Variants in IRAG1 observed in about 807,000 individuals in gnomAD.
IRAG1 encodes IP3R-associated cGMP kinase substrate.
Under a neutral mutation model 106.2 loss-of-function variants are expected in IRAG1, and 62 were observed. The observed-to-expected ratio is 0.58, with a 90% CI of 0.48 to 0.72. The LOEUF is 0.72. Among genes scored for constraint, IRAG1 ranks in the 30% least tolerant of loss-of-function variants. The pLI is 0.00. For missense variants in IRAG1, 1,064 were observed against 1,140.7 expected (o/e 0.93, Z 0.97); for synonymous variants, 462 against 443.9 (o/e 1.04, Z -0.51).
At chr11:10,652,262 C>A (rs1481022355) in intron 1 of IRAG1, 80 bp from the exon 2 acceptor site, 146 of 1,580,304 alleles carry the variant, frequency 9.2e-5, no homozygotes, top group Non-Finnish European at 1.2e-4. Context: ...GAGCCACAAG[C>A]CACAGTGAGA....
At chr11:10,612,254 A>G (rs555532489) in intron 10 of IRAG1, among the ~76,000 whole-genome samples, 1 of 152,204 alleles carries the variant, frequency 6.6e-6, no homozygotes, top group Non-Finnish European at 1.5e-5. Flanking sequence ...TGTCTCTACA[A>G]TTCCAACCTA....
intron 10 of IRAG1, among the ~76,000 whole-genome samples, chr11:10,617,861 A>C: frequency 6.6e-6 from 1 of 152,118 alleles, no homozygotes; most frequent in Non-Finnish European, 1.5e-5. Flanking sequence ...ACCTCTCACC[A>C]GGCTATTTCC....
intron 11 of IRAG1, among the ~76,000 whole-genome samples, chr11:10,607,319 C>A (rs1472575731): frequency 6.6e-6 from 1 of 152,142 alleles, no homozygotes; most frequent in Non-Finnish European, 1.5e-5. Flanking sequence ...TGCATGCGGG[C>A]CAGAGAATAA....
chr11:10,638,255 C>A (rs1253628276), intron 2 of IRAG1, among the ~76,000 whole-genome samples: 1 of 152,170 alleles, frequency 6.6e-6, no homozygotes, highest in African/African-American at 2.4e-5. Flanking sequence ...CCTGCTTTTC[C>A]TTAAACTGAA....
At chr11:10,683,432 T>G (rs1386690512) in intron 1 of IRAG1, among the ~76,000 whole-genome samples, 1 of 152,154 alleles carries the variant, frequency 6.6e-6, no homozygotes, top group Non-Finnish European at 1.5e-5. Context: ...AAAAAAAATT[T>G]TACAAAGTAG....
chr11:10,630,134 C>T (rs184856994), intron 4 of IRAG1: 347 of 156,300 alleles, frequency 2.2e-3, no homozygotes, highest in African/African-American at 8.0e-3. Context: ...AACCCCGTGG[C>T]CACCTTCCCT....
At chr11:10,641,043 A>G (rs956593426) in intron 2 of IRAG1, among the ~76,000 whole-genome samples, 2 of 152,048 alleles carry the variant, frequency 1.3e-5, no homozygotes, top group African/African-American at 4.8e-5. Flanking sequence ...ACATAACTGT[A>G]TTCTCTCTCT....
rs561143006 is a variant in IRAG1, at chr11:10,647,800, G to A, written c.225+4225C>T. Among the ~76,000 whole-genome samples, 4 of 152,172 alleles carry A rather than the reference G, an allele frequency of 2.6e-5. No homozygotes were observed. The East Asian group carries it at 7.8e-4, about 30-fold the overall frequency. Reference sequence around the variant, plus strand: ...GGGGCCCTACAGTAAGGCGGAGATGGGCTGGTATGTGTCCTGAGCGGAGGT... The same window carrying A: ...GGGGCCCTACAGTAAGGCGGAGATGAGCTGGTATGTGTCCTGAGCGGAGGT... On this transcript the variant is annotated intron_variant, in intron 2 of 20. Coordinates refer to ENST00000423302, the MANE Select transcript of IRAG1 (RefSeq NM_130385.4). The surrounding 1 kb of genome is among the most constrained non-coding windows in gnomAD (Gnocchi z 4.3).
intron 1 of IRAG1, chr11:10,687,723 G>GA: frequency 7.8e-7 from 1 of 1,289,074 alleles, no homozygotes; most frequent in South Asian, 1.2e-5. Context: ...TAGGACCCAG[G>GA]ACTGTGGATG....
intron 10 of IRAG1, among the ~76,000 whole-genome samples, chr11:10,623,416 C>A (rs1855988415): frequency 6.6e-6 from 1 of 152,172 alleles, no homozygotes; most frequent in Non-Finnish European, 1.5e-5. Context: ...TTTGTGGTGA[C>A]AGCAGATTAG....
Position 10,623,741 on chromosome 11 carries a change from C to T in IRAG1, c.1447+37G>A, listed in dbSNP as rs771114549. On this transcript the variant is annotated intron_variant, in intron 10 of 20. Transcript: ENST00000423302. ...CCTTGATCTGGCACAGACAAATCAG[C>T]ACTCGCTGAGACAGCATCTGCCCCA... is the stretch of plus-strand genomic sequence containing the variant. 4.4e-6 allele frequency: 7 copies of T among 1,587,610 alleles called. No homozygotes were observed. In the South Asian group the frequency reaches 5.5e-5, roughly 13 times the overall value.
chr11:10,666,496 T>A (rs1009223349), intron 1 of IRAG1, among the ~76,000 whole-genome samples: 1 of 152,202 alleles, frequency 6.6e-6, no homozygotes, highest in Non-Finnish European at 1.5e-5. Context: ...AAAAATGAAA[T>A]GCTAACACAG....
intron 18 of IRAG1, among the ~76,000 whole-genome samples, chr11:10,586,416 C>CTT (rs1215933252): frequency 6.4e-5 from 9 of 141,008 alleles, no homozygotes; most frequent in Admixed American, 1.4e-4. Flanking sequence ...TTGATCTCTC[C>CTT]TTTTTTTTTT....
At chr11:10,676,994 G>A (rs1234629830) in intron 1 of IRAG1, among the ~76,000 whole-genome samples, 1 of 152,126 alleles carries the variant, frequency 6.6e-6, no homozygotes, top group Non-Finnish European at 1.5e-5. Flanking sequence ...CTCAAACACA[G>A]GCTTAGAAGA....
intron 13 of IRAG1, 148 bp downstream of exon 13, chr11:10,604,257 C>T (rs189816432): frequency 1.9e-6 from 2 of 1,054,750 alleles, no homozygotes; most frequent in East Asian, 5.2e-5. Flanking sequence ...CAGTTCCCCC[C>T]AACTCTCTGA....
At chr11:10,594,077 G>T in intron 16 of IRAG1, 69 bp downstream of exon 16, 2 of 1,404,454 alleles carry the variant, frequency 1.4e-6, no homozygotes, top group Non-Finnish European at 2.0e-6. Context: ...ATGAATGATT[G>T]TTTGGGTGAC....
chr11:10,617,060 C>T, intron 10 of IRAG1: 1 of 985,352 alleles, frequency 1.0e-6, no homozygotes, highest in South Asian at 4.7e-5. Flanking sequence ...CTCAGGGAGG[C>T]CTCTTTCCTG....
At chr11:10,598,356 A>G (rs1853562148) in intron 15 of IRAG1, among the ~76,000 whole-genome samples, 1 of 152,236 alleles carries the variant, frequency 6.6e-6, no homozygotes, top group African/African-American at 2.4e-5. Flanking sequence ...TTTGTCCAGC[A>G]GCAATTTCTA....
At chr11:10,651,496 T>TA (rs1356118638) in intron 2 of IRAG1, among the ~76,000 whole-genome samples, 1 of 152,260 alleles carries the variant, frequency 6.6e-6, no homozygotes, top group African/African-American at 2.4e-5. Flanking sequence ...TCTGTATAGC[T>TA]AAAAATAGCT....
Sources: gnomAD v4.1 joint callset for allele counts (sites outside exome capture counted in the v4.1 genomes callset) on GRCh38, gnomAD v4.1.1 for gene constraint, Gnocchi (gnomAD v3.1) non-coding constraint, MANE v1.5 for transcripts, NCBI Gene and HGNC (gene_info 2026-07-23, HGNC 2026-07-21) for gene names.